The following OPRM1 variants were observed in gnomAD, a reference collection of about 807,000 sequenced individuals.
OPRM1 encodes the protein mu-type opioid receptor.
In OPRM1, 27 loss-of-function variants were observed where a neutral mutation model predicts 31.8. That is an observed-to-expected ratio of 0.85 (90% confidence interval 0.63 to 1.17). The LOEUF (loss-of-function observed/expected upper bound fraction) is 1.17, where lower values mean the gene tolerates loss of function less well. OPRM1 is among the 50% of genes most tolerant of loss of function. OPRM1 has a pLI of 0.00. For synonymous variants in OPRM1, 196 were observed against 189.9 expected (o/e 1.03, Z -0.26); for missense variants, 536 against 511.1 (o/e 1.05, Z -0.47).
intron 3 of OPRM1, among the ~76,000 whole-genome samples, chr6:154,244,658 C>A (rs535120979): frequency 5.9e-5 from 9 of 152,292 alleles, no homozygotes; most frequent in Admixed American, 5.9e-4. Flanking sequence ...TAACTCATTT[C>A]TCCTCTAAGA....
intron 3 of OPRM1, among the ~76,000 whole-genome samples, chr6:154,100,136 A>AT (rs1234690113): frequency 2.6e-4 from 19 of 72,786 alleles, no homozygotes; most frequent in African/African-American, 3.6e-4. Flanking sequence ...TATGACATAT[A>AT]ATATATATTA....
intron 3 of OPRM1, among the ~76,000 whole-genome samples, chr6:154,103,867 G>A (rs1157383915): frequency 6.6e-6 from 1 of 152,148 alleles, no homozygotes; most frequent in African/African-American, 2.4e-5. Flanking sequence ...ACTGCAACGT[G>A]TTTTATCAGC....
chr6:154,055,943 C>T (rs1360457743), intron 1 of OPRM1, among the ~76,000 whole-genome samples: 1 of 152,104 alleles, frequency 6.6e-6, no homozygotes, highest in African/African-American at 2.4e-5. Flanking sequence ...CAGCACTGTT[C>T]ATTTGAATAA....
chr6:154,020,022 C>A (rs1325593116), intron 1 of OPRM1, among the ~76,000 whole-genome samples: 1 of 152,086 alleles, frequency 6.6e-6, no homozygotes, highest in African/African-American at 2.4e-5. Flanking sequence ...GTGTGAGCCA[C>A]CGCACCCAGC....
At chr6:154,161,179 C>T (rs1253070297) in intron 3 of OPRM1, among the ~76,000 whole-genome samples, 1 of 151,914 alleles carries the variant, frequency 6.6e-6, no homozygotes, top group African/African-American at 2.4e-5. Flanking sequence ...GAACACTTTC[C>T]AGTCTTTCTT....
intron 3 of OPRM1, among the ~76,000 whole-genome samples, chr6:154,163,763 G>A (rs926494057): frequency 3.3e-5 from 5 of 152,132 alleles, no homozygotes; most frequent in African/African-American, 1.2e-4. Context: ...CCTATTTGGA[G>A]TCTGAGGAAA....
At chr6:154,028,447 G>A (rs1285269936) in intron 1 of OPRM1, among the ~76,000 whole-genome samples, 1 of 152,194 alleles carries the variant, frequency 6.6e-6, no homozygotes, top group African/African-American at 2.4e-5. Context: ...GGGGCTAGGG[G>A]AGGCGTGATG....
Position 154,152,185 on chromosome 6 carries a change from AAG to A in OPRM1, c.1164+60729_1164+60730del, listed in dbSNP as rs71021027. Among the ~76,000 whole-genome samples the A allele has an allele frequency of 4.1e-4, 59 of 144,080 alleles. 1 individual carries two copies. The highest frequency in any genetic ancestry group is 2.6e-3 in the South Asian group (12 of 4,656). 94.5% of individuals were successfully genotyped at this position (144,080 alleles called of 152,430 possible). Reference sequence around the variant, plus strand: ...ACTTTGAAAACAAAAAAAAAAAAGAAAGAGAGAGAGAGAGAGAAAGAAAGAAG... The same window carrying A: ...ACTTTGAAAACAAAAAAAAAAAAGAAAGAGAGAGAGAGAGAAAGAAAGAAG... On this transcript the variant is annotated intron_variant, in intron 3 of 3. Transcript: ENST00000337049.
intron 1 of OPRM1, among the ~76,000 whole-genome samples, chr6:154,061,867 T>C (rs141200323): frequency 3.5e-4 from 53 of 151,756 alleles, no homozygotes; most frequent in African/African-American, 1.1e-3. Flanking sequence ...GTTGACTCAA[T>C]GTTGACACTA....
chr6:154,244,295 T>TGG (rs2073534365), intron 3 of OPRM1, among the ~76,000 whole-genome samples: 2 of 71,014 alleles, frequency 2.8e-5, no homozygotes, highest in South Asian at 6.6e-4. Flanking sequence ...GGTGTGTGTG[T>TGG]GGGTGGGTGT....
In OPRM1 at chr6:154,131,486, C is replaced by A. The variant is rs908632204; in HGVS notation, c.*12765C>A. On this transcript the variant is annotated 3_prime_UTR_variant, in exon 4 of 4. Transcript: ENST00000330432. Reference sequence around the variant, plus strand: ...GTCTGAAAGAAGGGCAGAATTAATTCGTTTCCTTGACAGTGTTGGGGGTGA... The same window carrying A: ...GTCTGAAAGAAGGGCAGAATTAATTAGTTTCCTTGACAGTGTTGGGGGTGA... Among the ~76,000 whole-genome samples, 1 of 152,294 alleles carries A rather than the reference C, an allele frequency of 6.6e-6. No individual in the cohort carries two copies. Among genetic ancestry groups the A allele is most frequent in the Non-Finnish European group, 1.5e-5 (1 of 68,016 alleles).
chr6:154,230,816 C>T (rs1293610128), intron 3 of OPRM1, among the ~76,000 whole-genome samples: 1 of 152,076 alleles, frequency 6.6e-6, no homozygotes, highest in Admixed American at 6.5e-5. Flanking sequence ...AACATCTTCT[C>T]CCCTAAAACC....
intron 3 of OPRM1, among the ~76,000 whole-genome samples, chr6:154,241,879 C>T (rs1017883028): frequency 2.0e-5 from 3 of 152,206 alleles, no homozygotes; most frequent in Non-Finnish European, 4.4e-5. Flanking sequence ...GTCTCAGTCC[C>T]CCATTCACTG....
At chr6:154,033,699 T>A (rs1211374204) in intron 1 of OPRM1, among the ~76,000 whole-genome samples, 1 of 152,182 alleles carries the variant, frequency 6.6e-6, no homozygotes, top group Non-Finnish European at 1.5e-5. Context: ...ATACAAATGT[T>A]CAATGGAGTA....
chr6:154,164,332 A>G (rs1799256135), intron 3 of OPRM1, among the ~76,000 whole-genome samples: 1 of 152,196 alleles, frequency 6.6e-6, no homozygotes, highest in African/African-American at 2.4e-5. Flanking sequence ...AAGTAGTTCA[A>G]ATTTTTTACC....
intron 3 of OPRM1, among the ~76,000 whole-genome samples, chr6:154,219,549 A>G (rs945979591): frequency 6.6e-6 from 1 of 152,170 alleles, no homozygotes; most frequent in African/African-American, 2.4e-5. Flanking sequence ...CAGGGCTCCA[A>G]GTGCTAGCGG....
chr6:154,184,817 G>C (rs1801197628), intron 3 of OPRM1, among the ~76,000 whole-genome samples: 1 of 152,000 alleles, frequency 6.6e-6, no homozygotes, highest in African/African-American at 2.4e-5. Context: ...TTTCTAGATT[G>C]TTTGAGATTT....
At chr6:154,222,218 C>T (rs1034812322) in intron 3 of OPRM1, among the ~76,000 whole-genome samples, 2 of 152,198 alleles carry the variant, frequency 1.3e-5, no homozygotes, top group African/African-American at 4.8e-5. Flanking sequence ...GAAGGGCTTC[C>T]ACTTTACCCT....
At chr6:154,142,097 T>A (rs923786840) in intron 3 of OPRM1, among the ~76,000 whole-genome samples, 1 of 119,622 alleles carries the variant, frequency 8.4e-6, no homozygotes. Flanking sequence ...TCTGGACCTG[T>A]AATCTGTCCC....
Sources: gnomAD v4.1 joint callset for allele counts (sites outside exome capture counted in the v4.1 genomes callset) on GRCh38, gnomAD v4.1.1 for gene constraint, MANE v1.5 for transcripts, NCBI Gene and HGNC (gene_info 2026-07-23, HGNC 2026-07-21) for gene names.